POLRMT: variants seen among roughly 807,000 people sequenced by gnomAD.
POLRMT encodes the protein DNA-directed RNA polymerase, mitochondrial.
In POLRMT, 114 loss-of-function variants were observed where a neutral mutation model predicts 132.2. The observed-to-expected ratio is 0.86, with a 90% confidence interval of 0.74 to 1.01. The LOEUF (loss-of-function observed/expected upper bound fraction) is 1.01. POLRMT is among the 50% of genes least tolerant of loss of function. The pLI, the probability that POLRMT is intolerant of heterozygous loss-of-function variation, is 0.00. For missense variants in POLRMT, 2,003 were observed against 1,729.1 expected, an observed-to-expected ratio of 1.16 and a Z score of -2.81; for synonymous variants, 1,020 against 773.4, an observed-to-expected ratio of 1.32 and a Z score of -5.29.
Position 619,117 on chromosome 19 carries a change from G to A in POLRMT, c.3154-7C>T. On this transcript the variant is annotated splice_region_variant and splice_polypyrimidine_tract_variant and intron_variant, in intron 14 of 20. Transcript: ENST00000588649. ...CACTCTCGGTCAGCCAGTGCTGTGG[G>A]ACACAGGCCGTCTCAGGGCAGGGGG... The A allele has an allele frequency of 6.2e-7, 1 of 1,611,418 alleles. No individual in the cohort carries two copies. The highest frequency in any genetic ancestry group is 8.5e-7 in the Non-Finnish European group (1 of 1,179,014).
chr19:632,965 CG>C (rs983269388), intron 1 of POLRMT, 27 bp from the exon 2 acceptor site: 1 of 1,455,294 alleles, frequency 6.9e-7, no homozygotes, highest in African/African-American at 1.5e-5. Context: ...AGCGGCTGAG[CG>C]GGGCCGGGCG....
In POLRMT at chr19:622,830, C is replaced by T; in HGVS notation, c.1446G>A (p.Met482Ile). ...GCGGAGGAAGACGCACCTGCAGGAG[C>T]ATCCGCACCACCTCGCGCTCGTCCA... is the stretch of plus-strand genomic sequence containing the variant. ...CLLDEREVVR[M>I]LLQVLQALPA... The change falls in exon 7 of 21, where the codon ATG becomes ATA. Residue 482 changes from methionine (M) to isoleucine (I), a missense_variant. Physicochemically the swap from Met to Ile is conservative, Grantham distance 10. Coordinates refer to ENST00000588649, the MANE Select transcript of POLRMT (RefSeq NM_005035.4). 6 of 1,594,874 alleles carry T rather than the reference C, an allele frequency of 3.8e-6. No individual in the cohort carries two copies. The highest frequency in any genetic ancestry group is 1.1e-5 in the South Asian group (1 of 88,722).
intron 2 of POLRMT, among the ~76,000 whole-genome samples, chr19:630,745 G>A (rs945925906): frequency 1.3e-5 from 2 of 152,218 alleles, no homozygotes; most frequent in Admixed American, 1.3e-4. Flanking sequence ...TACACCGGTG[G>A]ACGCTGAGCC....
Position 624,820 on chromosome 19 carries a change from C to G in POLRMT, c.1039G>C (p.Val347Leu). 6.2e-7 allele frequency: 1 copy of G among 1,613,520 alleles called. No individual in the cohort carries two copies. Among genetic ancestry groups the G allele is most frequent in the Non-Finnish European group, 8.5e-7 (1 of 1,180,012 alleles). ...VLLSEEDRAT[V>L]LKAVHKVKPT... ...TTCACCTTGTGCACGGCCTTCAGAA[C>G]AGTGGCCCGATCCTCCTCAGACAGC... is the stretch of plus-strand genomic sequence containing the variant. The change falls in exon 5 of 21, where the codon GTT becomes CTT. Residue 347 changes from valine (V) to leucine (L), a missense_variant. Val to Leu is a conservative substitution (Grantham distance 32). Transcript: ENST00000588649.
chr19:621,020 T>TGGGCGCGGGGGC, intron 10 of POLRMT, 38 bp downstream of exon 10: 1 of 772,106 alleles, frequency 1.3e-6, no homozygotes. Context: ...GGCGCGGGGG[T>TGGGCGCGGGGGC]GCCGGGAGGG....
At chr19:623,915 C>G (rs1013828287) in intron 5 of POLRMT, among the ~76,000 whole-genome samples, 1 of 152,182 alleles carries the variant, frequency 6.6e-6, no homozygotes, top group African/African-American at 2.4e-5. Context: ...TGGCTGTTTT[C>G]TCCTCAAACT....
chr19:626,325 T>C (rs1449437162), intron 3 of POLRMT, among the ~76,000 whole-genome samples: 1 of 151,620 alleles, frequency 6.6e-6, no homozygotes, highest in Non-Finnish European at 1.5e-5. Context: ...CTAATTATTT[T>C]GTATTTTTAG....
intron 7 of POLRMT, 26 bp from the exon 8 acceptor site, chr19:622,778 G>A (rs770414807): frequency 6.4e-7 from 1 of 1,559,408 alleles, no homozygotes; most frequent in Non-Finnish European, 8.7e-7. Flanking sequence ...GTGAGTGCCT[G>A]CCCGCCCCGC....
Position 623,462 on chromosome 19 carries a change from T to C in POLRMT, c.1282A>G (p.Lys428Glu), listed in dbSNP as rs1242410083. 6.2e-7 allele frequency: 1 copy of C among 1,611,654 alleles called. No homozygotes were observed. Among genetic ancestry groups the C allele is most frequent in the African/African-American group, 1.3e-5 (1 of 74,862 alleles). The change falls in exon 6 of 21, where the codon AAG becomes GAG. Residue 428 changes from lysine to glutamate, a missense_variant. Physicochemically the swap from Lys to Glu is moderately conservative, Grantham distance 56. Transcript: ENST00000588649. The part of the protein sequence containing the change: ...EKPTLPSKEV[K>E]HARKTLKTLR... ...CCCGGCTCAGCCCCTACCGCGTGCT[T>C]GACCTCCTTGCTTGGCAACGTGGGC... is the stretch of plus-strand genomic sequence containing the variant.
At position 629,889 on chromosome 19, in the gene POLRMT, C is replaced by G; in HGVS notation, c.473G>C (p.Arg158Thr). The G allele has an allele frequency of 6.2e-7, 1 of 1,612,444 alleles. No homozygotes were observed. The highest frequency in any genetic ancestry group is 8.5e-7 in the Non-Finnish European group (1 of 1,179,562). The change falls in exon 3 of 21, where the codon AGG (arginine) becomes ACG (threonine). Residue 158 changes from arginine to threonine, a missense_variant. Arg to Thr is a moderately conservative substitution (Grantham distance 71). Coordinates refer to ENST00000588649, the MANE Select transcript of POLRMT (RefSeq NM_005035.4). The part of the protein sequence containing the change: ...FQSGEFKALT[R>T]RLQVEPRLLS... ...GAGCCGGGGCTCCACCTGCAGGCGC[C>G]TGGTCAGCGCCTTGAACTCCCCGCT... is the stretch of plus-strand genomic sequence containing the variant.
At chr19:619,360 CT>C (rs1267888999) in intron 13 of POLRMT, 64 bp from the exon 14 acceptor site, 28 of 1,547,270 alleles carry the variant, frequency 1.8e-5, no homozygotes, top group Non-Finnish European at 2.5e-5. Flanking sequence ...CTACTCCCCC[CT>C]ATTTCAGAGC....
At chr19:619,438 A>C in intron 13 of POLRMT, 142 bp from the exon 14 acceptor site, 1 of 1,358,830 alleles carries the variant, frequency 7.4e-7, no homozygotes, top group East Asian at 2.4e-5. Context: ...CCACGCAGTC[A>C]GCAAGAAACG....
Position 618,603 on chromosome 19 carries a change from T to A in POLRMT, c.3324-17A>T. On this transcript the variant is annotated splice_polypyrimidine_tract_variant and intron_variant, in intron 16 of 20. Transcript: ENST00000588649. ...TTGGGCTTTCTGAGGACGGAACAGG[T>A]GCCGGTGGGGGCGGCCCAGGGACAC... 6.2e-7 allele frequency: 1 copy of A among 1,606,478 alleles called. No homozygotes were observed. Among genetic ancestry groups the A allele is most frequent in the South Asian group, 1.1e-5 (1 of 90,808 alleles).
At position 623,560 on chromosome 19, in the gene POLRMT, G is replaced by A. The variant is rs1376792168; in HGVS notation, c.1184C>T (p.Thr395Ile). 1.2e-6 allele frequency: 2 copies of A among 1,613,696 alleles called. No homozygotes were observed. The highest frequency in any genetic ancestry group is 2.2e-5 in the East Asian group (1 of 44,866). Residue 395 changes from threonine (T) to isoleucine (I), a missense_variant, in exon 6 of 21, where the codon ACC becomes ATC. Coordinates refer to ENST00000588649, the MANE Select transcript of POLRMT (RefSeq NM_005035.4). ...CTGCTTCTCAAAGAGGCACTGCAGG[G>A]TCTTCAAGGGCAGGTGCAGCTTCGG... ...SYPKLHLPLK[T>I]LQCLFEKQLH...
Position 621,322 on chromosome 19 carries a change from G to A in POLRMT, c.2376C>T (p.Arg792=), listed in dbSNP as rs1327901229. ...RLSLAQHLRD[R]VFWLPHNMDF... is the part of the protein sequence containing the mutation. ...CCATGTTGTGCGGCAGCCAGAAGAC[G>A]CGGTCCCGCAGGTGCTGCGCCAGCG... The change falls in exon 10 of 21, where the codon CGC becomes CGT. Residue 792 remains arginine (R), a synonymous_variant. Coordinates refer to ENST00000588649, the MANE Select transcript of POLRMT (RefSeq NM_005035.4). 4.4e-6 allele frequency: 7 copies of A among 1,595,114 alleles called. No homozygotes were observed. Among genetic ancestry groups the A allele is most frequent in the East Asian group, 4.5e-5 (2 of 44,516 alleles).
chr19:617,398 C>G (rs1018026176), intron 20 of POLRMT, 21 bp downstream of exon 20: 6 of 1,612,254 alleles, frequency 3.7e-6, no homozygotes, highest in South Asian at 2.2e-5. Flanking sequence ...GCCACCCTTG[C>G]GAGGCTGCCC....
intron 17 of POLRMT, chr19:618,260 C>T (rs992618592): frequency 3.5e-6 from 2 of 565,622 alleles, no homozygotes; most frequent in Admixed American, 3.2e-5. Flanking sequence ...CAGGAAGGGG[C>T]AGCGCCCATG....
chr19:617,572 A>G lies in POLRMT; in HGVS notation c.3579T>C (p.Ser1193=). 1 of 1,611,808 alleles carries G rather than the reference A, an allele frequency of 6.2e-7. No individual in the cohort carries two copies. Among genetic ancestry groups the G allele is most frequent in the Non-Finnish European group, 8.5e-7 (1 of 1,179,964 alleles). ...LSRFLVKRFC[S]EPQKILEASQ... ...GTTGGGGTCAGGGAGCGCCTTACTC[A>G]GAGCAGAACCGCTTGACCAGGAATC... The change falls in exon 19 of 21, where the codon TCT becomes TCC. Residue 1193 remains serine (S), a splice_region_variant and synonymous_variant. Coordinates refer to ENST00000588649, the MANE Select transcript of POLRMT (RefSeq NM_005035.4).
Position 620,523 on chromosome 19 carries a change from G to A in POLRMT, c.2641-36C>T, listed in dbSNP as rs1358496415. 4 of 1,511,984 alleles carry A rather than the reference G, an allele frequency of 2.6e-6. No homozygotes were observed. In the African/African-American group the frequency reaches 4.2e-5, roughly 16 times the overall value. 93.7% of individuals were successfully genotyped at this position (1,511,984 alleles called of 1,614,324 possible). Reference sequence around the variant, plus strand: ...AGCGGATGGGGGGCAGTGAGGCCCGGGCCCGATCCCTGAGCCCGCTGGGAG... The same window carrying A: ...AGCGGATGGGGGGCAGTGAGGCCCGAGCCCGATCCCTGAGCCCGCTGGGAG... On this transcript the variant is annotated intron_variant, in intron 10 of 20. Transcript: ENST00000588649.
Sources: allele counts gnomAD v4.1 joint callset (sites outside exome capture counted in the v4.1 genomes callset), GRCh38; gene constraint gnomAD v4.1.1; transcripts MANE v1.5; gene names NCBI Gene and HGNC (gene_info 2026-07-23, HGNC 2026-07-21).